PRSS41: variants seen among roughly 807,000 people sequenced by gnomAD.
PRSS41 encodes protease, serine 41.
In PRSS41, 37 loss-of-function variants were observed where a neutral mutation model predicts 28.8. The observed-to-expected ratio is 1.29, with a 90% CI of 0.99 to 1.69. PRSS41 has a LOEUF of 1.69. PRSS41 is among the 40% of genes most tolerant of loss of function. The pLI is 0.00. For synonymous variants in PRSS41, 195 were observed against 163.1 expected (o/e 1.20, Z -1.49); for missense variants, 431 against 400.7 (o/e 1.08, Z -0.65).
chr16:2,801,277 G>A (rs968733019), intron 4 of PRSS41, among the ~76,000 whole-genome samples: 2 of 151,764 alleles, frequency 1.3e-5, no homozygotes, highest in South Asian at 4.2e-4. Context: ...TTTATGATTG[G>A]TATATTTTCT....
In PRSS41 at chr16:2,804,383, C is replaced by A; in HGVS notation, c.542-6C>A. 6.4e-7 allele frequency: 1 copy of A among 1,551,308 alleles called. No individual in the cohort carries two copies. Among genetic ancestry groups the A allele is most frequent in the South Asian group, 1.2e-5 (1 of 84,016 alleles). On this transcript the variant is annotated splice_polypyrimidine_tract_variant and splice_region_variant and intron_variant, in intron 4 of 5. Coordinates refer to ENST00000399677, the Ensembl canonical transcript of PRSS41. ...AGGGTGCTGTCCTTTTCTGTCCTAT[C>A]TCCAGCACCTCTGCCACCTCCTTAC...
intron 1 of PRSS41, 40 bp downstream of exon 1, chr16:2,798,588 G>A: frequency 6.6e-7 from 1 of 1,523,386 alleles, no homozygotes. Context: ...GGGGCAGCGA[G>A]GAGGCCGGGA....
Position 2,799,525 on chromosome 16 carries a change from C to G in PRSS41, c.497C>G (p.Pro166Arg), listed in dbSNP as rs756263611. Residue 166 changes from proline (P) to arginine (R), a missense_variant, in exon 4 of 6, where the codon CCG becomes CGG. By Grantham distance (103) the Pro-to-Arg change is moderately radical (BLOSUM62 -2). Coordinates refer to ENST00000399677, the Ensembl canonical transcript of PRSS41. ...TCCACCTTCAACTTCGTGCACCGGC[C>G]GGACTGCTGGGTGACCGGCTGGGGG... 5.2e-6 allele frequency: 8 copies of G among 1,551,698 alleles called. No homozygotes were observed. The Admixed American group carries it at 5.9e-5, about 11-fold the overall frequency.
At chr16:2,798,908 G>C (rs2068965994) in intron 2 of PRSS41, 51 bp from the exon 3 acceptor site, 1 of 1,415,404 alleles carries the variant, frequency 7.1e-7, no homozygotes, top group Non-Finnish European at 9.4e-7. Context: ...GGGCGGGCCT[G>C]CCCACCCCAC....
At position 2,799,262 on chromosome 16, in the gene PRSS41, C is replaced by T. The variant is rs749341634; in HGVS notation, c.258-24C>T. 1.0e-5 allele frequency: 16 copies of T among 1,549,628 alleles called. No individual in the cohort carries two copies. In the African/African-American group the frequency reaches 1.9e-4, roughly 19 times the overall value. ...GGCCAGCCCCCTATTCCAAGGCTCC[C>T]CGCCCTCTCTCCTTTTCTGCTAGGC... On this transcript the variant is annotated intron_variant, in intron 3 of 5. Coordinates refer to ENST00000399677, the Ensembl canonical transcript of PRSS41.
chr16:2,803,150 T>C (rs372754362), intron 4 of PRSS41, among the ~76,000 whole-genome samples: 2 of 152,240 alleles, frequency 1.3e-5, no homozygotes, highest in Non-Finnish European at 2.9e-5. Flanking sequence ...TTAAGAGTAA[T>C]TGATTACAGA....
chr16:2,799,422 C>T (rs984970689), exon 4 of PRSS41: 5 of 1,552,038 alleles, frequency 3.2e-6, no homozygotes, highest in Non-Finnish European at 4.4e-6. Flanking sequence ...TGGGGTTTTA[C>T]GCAATGACAT....
exon 6 of PRSS41, chr16:2,805,262 C>A: frequency 1.5e-6 from 1 of 682,274 alleles, no homozygotes; most frequent in Non-Finnish European, 2.5e-6. Context: ...CAGATTCCGG[C>A]CCCTTTTGTC....
At chr16:2,802,146 G>A (rs1162409302) in intron 4 of PRSS41, among the ~76,000 whole-genome samples, 83 of 150,698 alleles carry the variant, frequency 5.5e-4, no homozygotes, top group Non-Finnish European at 9.3e-4. Flanking sequence ...CCAGGCAGAG[G>A]GTCTCCTCAC....
intron 4 of PRSS41, among the ~76,000 whole-genome samples, chr16:2,802,717 C>T (rs1402878725): frequency 6.6e-6 from 1 of 152,228 alleles, no homozygotes; most frequent in Non-Finnish European, 1.5e-5. Flanking sequence ...CCGTCTCCAC[C>T]AAAACCAGTC....
chr16:2,799,238 G>A (rs1033098229), intron 3 of PRSS41, 48 bp from the exon 4 acceptor site: 2 of 1,539,886 alleles, frequency 1.3e-6, no homozygotes, highest in South Asian at 2.4e-5. Flanking sequence ...TGCTCAGGCG[G>A]CCAGCCCCCT....
chr16:2,802,079 C>T (rs1261109363), intron 4 of PRSS41, among the ~76,000 whole-genome samples: 1 of 147,708 alleles, frequency 6.8e-6, no homozygotes, highest in Non-Finnish European at 1.5e-5. Context: ...CTCCTCACTT[C>T]CCAGATGGGG....
In PRSS41 at chr16:2,804,916, TGA is replaced by T. The variant is rs753669659; in HGVS notation, c.703_704del (p.Asp235LeufsTer8). The stretch of plus-strand genomic sequence containing the variant: ...GGCTCACCCATGCTGCTCCCCAGGG[TGA>T]CTCAGGTGGACCCTTGGTCTGTGAC... On this transcript the variant is annotated frameshift_variant, in exon 6 of 6. Coordinates refer to ENST00000399677, the Ensembl canonical transcript of PRSS41. LOFTEE classifies it low-confidence loss of function (END_TRUNC). The T allele has an allele frequency of 1.9e-6, 3 of 1,580,236 alleles. No individual in the cohort carries two copies. In the East Asian group the frequency reaches 7.0e-5, roughly 37 times the overall value.
chr16:2,799,389 A>G lies in PRSS41; in HGVS notation c.361A>G (p.Ile121Val), dbSNP rs1427413246. 5 of 1,552,042 alleles carry G rather than the reference A, an allele frequency of 3.2e-6. No individual in the cohort carries two copies. In the East Asian group the frequency reaches 7.3e-5, roughly 23 times the overall value. The stretch of plus-strand genomic sequence containing the variant: ...CAGCAGTCGTTACAAAGTGCAGGAC[A>G]TCATTGTGAACCCTGACGCACTTGG... Residue 121 changes from isoleucine (I) to valine (V), a missense_variant, in exon 4 of 6, where the codon ATC (isoleucine) becomes GTC (valine). By Grantham distance (29) the Ile-to-Val change is conservative. Coordinates refer to ENST00000399677, the Ensembl canonical transcript of PRSS41.
At chr16:2,799,606 T>G (rs1411581095) in intron 4 of PRSS41, 37 bp downstream of exon 4, 1 of 1,543,160 alleles carries the variant, frequency 6.5e-7, no homozygotes, top group Admixed American at 2.0e-5. Flanking sequence ...GTGATGGGGG[T>G]GCGGGGTGAG....
At chr16:2,802,198 C>G (rs1413144503) in intron 4 of PRSS41, among the ~76,000 whole-genome samples, 15 of 151,088 alleles carry the variant, frequency 9.9e-5, no homozygotes, top group Middle Eastern at 3.2e-3. Context: ...CCTCACCTCC[C>G]AGACAGGGTC....
intron 4 of PRSS41, 22 bp from the exon 5 acceptor site, chr16:2,804,367 T>C (rs2069006711): frequency 6.4e-7 from 1 of 1,550,694 alleles, no homozygotes; most frequent in African/African-American, 1.4e-5. Context: ...AAGGGTGCTG[T>C]CCTTTTCTGT....
chr16:2,798,922 A>G (rs546057024), intron 2 of PRSS41, 37 bp from the exon 3 acceptor site: 3 of 682,456 alleles, frequency 4.4e-6, no homozygotes, highest in Non-Finnish European at 6.8e-6. Context: ...ACCCCACCCC[A>G]CCCGGCAGCT....
intron 4 of PRSS41, among the ~76,000 whole-genome samples, chr16:2,803,059 C>T (rs2069000391): frequency 1.3e-5 from 2 of 152,184 alleles, no homozygotes; most frequent in African/African-American, 2.4e-5. Flanking sequence ...TTATAAGGAG[C>T]ACCTATCTGG....
Sources: gnomAD v4.1 joint callset for allele counts (sites outside exome capture counted in the v4.1 genomes callset) on GRCh38, gnomAD v4.1.1 for gene constraint, MANE v1.5 for transcripts, NCBI Gene and HGNC (gene_info 2026-07-23, HGNC 2026-07-21) for gene names.